The following KRAS variants were observed in gnomAD, a reference collection of about 807,000 sequenced individuals.
The protein encoded by KRAS is GTPase KRas.
A neutral mutation model predicts 21.0 loss-of-function variants in KRAS; 1 was observed. The observed-to-expected ratio is 0.05, with a 90% confidence interval of 0.02 to 0.23. The LOEUF (loss-of-function observed/expected upper bound fraction) is 0.23. Ranked by LOEUF, KRAS falls within the 10% of genes least tolerant of loss-of-function variation. KRAS has a pLI of 1.00. For missense variants in KRAS, 107 were observed against 221.8 expected (o/e 0.48, Z 3.29); for synonymous variants, 67 against 72.5 (o/e 0.92, Z 0.39).
At chr12:25,229,772 T>C (rs1343469037) in intron 2 of KRAS, among the ~76,000 whole-genome samples, 1 of 1,300 alleles carries the variant, frequency 7.7e-4, no homozygotes, top group Non-Finnish European at 0.014. Flanking sequence ...TAATGTATCT[T>C]TTTTTTTTTT....
At chr12:25,224,561 T>G (rs1951366561) in intron 4 of KRAS, among the ~76,000 whole-genome samples, 1 of 152,114 alleles carries the variant, frequency 6.6e-6, no homozygotes, top group South Asian at 2.1e-4. Context: ...TAGGAAAAAT[T>G]AAAAAGTTTA....
In KRAS at chr12:25,209,825, C is replaced by A; in HGVS notation, c.537G>T (p.Lys179Asn). 1 of 1,609,716 alleles carries A rather than the reference C, an allele frequency of 6.2e-7. No homozygotes were observed. Among genetic ancestry groups the A allele is most frequent in the Non-Finnish European group, 8.5e-7 (1 of 1,176,836 alleles). The change falls in exon 5 of 5, where the codon AAG becomes AAT. Residue 179 changes from lysine (K) to asparagine (N), a missense_variant. Lys to Asn is a moderately conservative substitution (Grantham distance 94). Around this residue, in one of 2 missense-constraint regions of KRAS, gnomAD observed 65 missense variants for 82.3 expected, o/e 0.79. Coordinates refer to ENST00000311936, the MANE Select transcript of KRAS (RefSeq NM_004985.5). Reference protein sequence around the residue: ...KMSKDGKKKKKKSKTKCVIM With the variant: ...KMSKDGKKKKNKSKTKCVIM ...TAATTACACACTTTGTCTTTGACTT[C>A]TTTTTCTTCTTTTTACCATCTTTGC...
At chr12:25,210,247 T>C (rs567024842) in intron 4 of KRAS, among the ~76,000 whole-genome samples, 175 of 152,320 alleles carry the variant, frequency 1.1e-3, no homozygotes, top group South Asian at 3.9e-3. Flanking sequence ...AAAATCCAAA[T>C]GCATGTGTGT....
chr12:25,205,997 A>ATT lies in KRAS; in HGVS notation c.*3796_*3797dup. ...GGGTTCTAAAAAACATTACTACACA[A>ATT]TTATCAAGAAATCATTACTTTTTGA... On this transcript the variant is annotated 3_prime_UTR_variant, in exon 5 of 5. Coordinates refer to ENST00000311936, the MANE Select transcript of KRAS (RefSeq NM_004985.5). 1 of 213,072 alleles carries ATT rather than the reference A, an allele frequency of 4.7e-6. No homozygotes were observed. Among genetic ancestry groups the ATT allele is most frequent in the Non-Finnish European group, 9.5e-6 (1 of 105,444 alleles). The allele number at this position is 213,072 out of a possible 1,614,324, so 13.2% of individuals were successfully genotyped here.
intron 3 of KRAS, 71 bp downstream of exon 3, chr12:25,227,163 A>G (rs1951404215): frequency 3.6e-6 from 4 of 1,111,724 alleles, no homozygotes; most frequent in Non-Finnish European, 5.4e-6. Flanking sequence ...GCATGGCATT[A>G]GCAAAGACTC....
At chr12:25,238,890 A>T (rs1951575216) in intron 2 of KRAS, among the ~76,000 whole-genome samples, 1 of 152,242 alleles carries the variant, frequency 6.6e-6, no homozygotes. Flanking sequence ...TTAAACATTT[A>T]TCCAATTAAA....
chr12:25,206,430 G>GT lies in KRAS; in HGVS notation c.*3364dup, dbSNP rs1049816791. 2.0e-5 allele frequency: 4 copies of GT among 203,698 alleles called. No homozygotes were observed. Among genetic ancestry groups the GT allele is most frequent in the African/African-American group, 9.1e-5 (4 of 43,804 alleles). 12.6% of individuals were successfully genotyped at this position (203,698 alleles called of 1,614,324 possible). A position where few individuals can be genotyped will look rare whatever the true frequency, so the allele number is the denominator to read the frequency against. On this transcript the variant is annotated 3_prime_UTR_variant, in exon 5 of 5. Coordinates refer to ENST00000311936, the MANE Select transcript of KRAS (RefSeq NM_004985.5). ...AACAAGGATTTTTGTCTTTAAGGCT[G>GT]TAATAATTAGGTAACATTTATTTCT...
intron 2 of KRAS, among the ~76,000 whole-genome samples, chr12:25,241,170 CTTAG>C (rs752344540): frequency 6.6e-5 from 10 of 152,264 alleles, no homozygotes; most frequent in East Asian, 3.9e-4. Context: ...TACTCACCTA[CTTAG>C]TTAGGCCTAA....
At chr12:25,250,660 T>G in intron 1 of KRAS, 91 bp downstream of exon 1, 2 of 134,462 alleles carry the variant, frequency 1.5e-5, no homozygotes, top group Non-Finnish European at 3.2e-5. Context: ...CGGGGACCCC[T>G]AATTCATTCA....
In KRAS at chr12:25,209,336, G is replaced by A; in HGVS notation, c.*459C>T. 1 of 590,696 alleles carries A rather than the reference G, an allele frequency of 1.7e-6. No homozygotes were observed. Among genetic ancestry groups the A allele is most frequent in the South Asian group, 2.3e-5 (1 of 43,330 alleles). 36.6% of individuals were successfully genotyped at this position (590,696 alleles called of 1,614,324 possible). A position where few individuals can be genotyped will look rare whatever the true frequency, so the allele number is the denominator to read the frequency against. On this transcript the variant is annotated 3_prime_UTR_variant, in exon 5 of 5. Transcript: ENST00000311936. ...TGCCTAGAAGAATCATCATCAGGAAGCCCATAAATTTGTGTTCCCTCAATG... is the reference window on the plus strand; with the variant it reads ...TGCCTAGAAGAATCATCATCAGGAAACCCATAAATTTGTGTTCCCTCAATG...
intron 2 of KRAS, among the ~76,000 whole-genome samples, chr12:25,230,250 T>C (rs1276358520): frequency 1.3e-5 from 2 of 152,232 alleles, no homozygotes; most frequent in Admixed American, 6.5e-5. Context: ...TATGTATTTA[T>C]ACAAATCTAC....
At chr12:25,238,422 A>T (rs1951570080) in intron 2 of KRAS, among the ~76,000 whole-genome samples, 1 of 152,190 alleles carries the variant, frequency 6.6e-6, no homozygotes, top group African/African-American at 2.4e-5. Flanking sequence ...TATACCTCTC[A>T]TATTATTTAT....
chr12:25,230,652 T>C (rs1951455483), intron 2 of KRAS, among the ~76,000 whole-genome samples: 1 of 152,194 alleles, frequency 6.6e-6, no homozygotes, highest in South Asian at 2.1e-4. Context: ...ATCTCTTGCT[T>C]ATCTCTTTTC....
chr12:25,208,099 T>A lies in KRAS; in HGVS notation c.*1696A>T. The A allele has an allele frequency of 4.3e-6, 1 of 233,442 alleles. No individual in the cohort carries two copies. Among genetic ancestry groups the A allele is most frequent in the African/African-American group, 2.2e-5 (1 of 45,420 alleles). 14.5% of individuals were successfully genotyped at this position (233,442 alleles called of 1,614,324 possible). A position where few individuals can be genotyped will look rare whatever the true frequency, so the allele number is the denominator to read the frequency against. ...AGATGGTGTAACATAGGTTAAAAATTTACAGATTGTGCTGAGCTTGACAAA... is the reference window on the plus strand; with the variant it reads ...AGATGGTGTAACATAGGTTAAAAATATACAGATTGTGCTGAGCTTGACAAA... On this transcript the variant is annotated 3_prime_UTR_variant, in exon 5 of 5. Coordinates refer to ENST00000311936, the MANE Select transcript of KRAS (RefSeq NM_004985.5).
At chr12:25,235,103 C>T (rs1951527485) in intron 2 of KRAS, 1 of 402,474 alleles carries the variant, frequency 2.5e-6, no homozygotes, top group South Asian at 6.9e-5. Flanking sequence ...AGATGCTCTT[C>T]TCAATATAAC....
At chr12:25,233,914 T>C (rs1285958573) in intron 2 of KRAS, 9 of 192,894 alleles carry the variant, frequency 4.7e-5, no homozygotes, top group Non-Finnish European at 1.1e-5. Flanking sequence ...TTTTCAATTA[T>C]ATAATACAAA....
intron 4 of KRAS, among the ~76,000 whole-genome samples, chr12:25,222,822 G>A (rs1226123634): frequency 6.6e-6 from 1 of 152,160 alleles, no homozygotes; most frequent in Non-Finnish European, 1.5e-5. Context: ...GAATCAATTA[G>A]TACTTCTGAG....
At chr12:25,224,280 A>G (rs952348122) in intron 4 of KRAS, among the ~76,000 whole-genome samples, 1 of 151,256 alleles carries the variant, frequency 6.6e-6, no homozygotes, top group Non-Finnish European at 1.5e-5. Context: ...ATTATAGGAG[A>G]TGACAGCTCC....
At chr12:25,229,336 A>T (rs1437184075) in intron 2 of KRAS, among the ~76,000 whole-genome samples, 1 of 152,218 alleles carries the variant, frequency 6.6e-6, no homozygotes, top group African/African-American at 2.4e-5. Flanking sequence ...AAAGGCACAC[A>T]TAAGGAAATG....
Sources: allele counts gnomAD v4.1 joint callset (sites outside exome capture counted in the v4.1 genomes callset), GRCh38; gene constraint gnomAD v4.1.1; regional missense constraint gnomAD v4.1.1; transcripts MANE v1.5; gene names NCBI Gene and HGNC (gene_info 2026-07-23, HGNC 2026-07-21).